Variants in PTGS1 observed in about 807,000 individuals in gnomAD.
PTGS1 encodes prostaglandin G/H synthase 1.
In PTGS1, 40 loss-of-function variants were observed where a neutral mutation model predicts 63.0. That is an observed-to-expected ratio of 0.63 (90% CI 0.49 to 0.83). The LOEUF (loss-of-function observed/expected upper bound fraction) is 0.83, where lower values mean the gene tolerates loss of function less well. Ranked by LOEUF, PTGS1 falls within the 40% of genes least tolerant of loss-of-function variation. PTGS1 has a pLI of 0.00. For missense variants in PTGS1, 709 were observed against 786.5 expected (o/e 0.90, Z 1.18); for synonymous variants, 298 against 301.9 (o/e 0.99, Z 0.13).
chr9:122,377,944 T>C lies in PTGS1; in HGVS notation c.140T>C (p.Val47Ala), dbSNP rs1837272688. The change falls in exon 3 of 11, where the codon GTC becomes GCC. Residue 47 changes from valine to alanine, a missense_variant. Val to Ala is a moderately conservative substitution (Grantham distance 64). Coordinates refer to ENST00000362012, the MANE Select transcript of PTGS1 (RefSeq NM_000962.4). ...CCATGCCAGCACCAGGGCATCTGTG[T>C]CCGCTTCGGCCTTGACCGCTACCAG... The part of the protein sequence containing the change: ...YYPCQHQGIC[V>A]RFGLDRYQCD... 1 of 1,613,970 alleles carries C rather than the reference T, an allele frequency of 6.2e-7. No homozygotes were observed.
rs200050276 is a variant in PTGS1 at position 122,395,667 on chromosome 9, G to T, written c.*3123G>T. ...GAAGTTTGCCAACCCCAACAATTGT[G>T]TGAATTAATTTCTAAAAATAAAGCT... On this transcript the variant is annotated 3_prime_UTR_variant, in exon 11 of 11. Coordinates refer to ENST00000362012, the MANE Select transcript of PTGS1 (RefSeq NM_000962.4). 8 of 152,186 alleles carry T rather than the reference G, an allele frequency of 5.3e-5. No homozygotes were observed. Among genetic ancestry groups the T allele is most frequent in the Middle Eastern group, 3.4e-3 (1 of 296 alleles). 9.4% of individuals were successfully genotyped at this position (152,186 alleles called of 1,614,324 possible).
In PTGS1 at chr9:122,378,546, G is replaced by A. The variant is rs1006330625; in HGVS notation, c.325G>A (p.Glu109Lys). 6.2e-7 allele frequency: 1 copy of A among 1,614,216 alleles called. No homozygotes were observed. The highest frequency in any genetic ancestry group is 1.1e-5 in the South Asian group (1 of 91,088). ...GTTTGTCAATGCCACCTTCATCCGA[G>A]AGATGCTCATGCGCCTGGTACTCAC... is the stretch of plus-strand genomic sequence containing the variant. ...WEFVNATFIR[E>K]MLMRLVLTVR... is the part of the protein sequence containing the mutation. Residue 109 changes from glutamate to lysine, a missense_variant, in exon 4 of 11, where the codon GAG (glutamate) becomes AAG (lysine). Transcript: ENST00000362012.
chr9:122,379,954 T>C (rs1014588792), intron 5 of PTGS1, among the ~76,000 whole-genome samples: 3 of 152,200 alleles, frequency 2.0e-5, no homozygotes, highest in Non-Finnish European at 4.4e-5. Flanking sequence ...TATTCCTTTC[T>C]GTGAGGGCAA....
At chr9:122,373,816 G>C (rs1487130285) in intron 2 of PTGS1, among the ~76,000 whole-genome samples, 1 of 152,138 alleles carries the variant, frequency 6.6e-6, no homozygotes, top group African/African-American at 2.4e-5. Context: ...GCTTAGGTGT[G>C]GGGACTGGGG....
chr9:122,386,170 G>A (rs527516554), intron 8 of PTGS1, among the ~76,000 whole-genome samples: 1 of 151,912 alleles, frequency 6.6e-6, no homozygotes, highest in South Asian at 2.1e-4. Flanking sequence ...TGGGTGTGGT[G>A]GTACACCTGT....
chr9:122,371,068 A>AC lies in PTGS1; in HGVS notation c.-13dup. On this transcript the variant is annotated 5_prime_UTR_variant, in exon 1 of 11. Coordinates refer to ENST00000362012, the MANE Select transcript of PTGS1 (RefSeq NM_000962.4). ...CAGGAGCCTGCACTCTGCGTCCCGC[A>AC]CCCCAGCAGCCGCGCCATGAGCCGT... is the stretch of plus-strand genomic sequence containing the variant. 6.3e-7 allele frequency: 1 copy of AC among 1,593,668 alleles called. No homozygotes were observed. The highest frequency in any genetic ancestry group is 1.1e-5 in the South Asian group (1 of 90,250).
intron 2 of PTGS1, among the ~76,000 whole-genome samples, chr9:122,374,102 T>G (rs1470256991): frequency 1.3e-5 from 2 of 152,050 alleles, no homozygotes; most frequent in Non-Finnish European, 2.9e-5. Context: ...AACCAGGCAG[T>G]TCTGGACAGT....
rs752563761 is a variant in PTGS1 at position 122,371,102 on chromosome 9, C to T, written c.7+11C>T. On this transcript the variant is annotated intron_variant, in intron 1 of 10. Coordinates refer to ENST00000362012, the MANE Select transcript of PTGS1 (RefSeq NM_000962.4). ...GCCGCGCCATGAGCCGTGAGTGCGA[C>T]CCCGGTGCCCGGTGGGGAATTTTCT... 1.2e-6 allele frequency: 2 copies of T among 1,603,158 alleles called. No individual in the cohort carries two copies. Among genetic ancestry groups the T allele is most frequent in the Non-Finnish European group, 1.7e-6 (2 of 1,179,568 alleles).
chr9:122,371,965 G>GTGGCTCCGGGT, intron 2 of PTGS1: 1 of 690,920 alleles, frequency 1.4e-6, no homozygotes, highest in Non-Finnish European at 2.5e-6. Flanking sequence ...TGGACCCGGA[G>GTGGCTCCGGGT]CCACTCTGGG....
intron 2 of PTGS1, among the ~76,000 whole-genome samples, chr9:122,376,060 T>C (rs1837132450): frequency 6.6e-6 from 1 of 151,844 alleles, no homozygotes; most frequent in Admixed American, 6.6e-5. Context: ...GGGTGACAAG[T>C]CCTTTCTTGG....
chr9:122,383,031 G>A (rs565649726), intron 7 of PTGS1, among the ~76,000 whole-genome samples: 8 of 152,210 alleles, frequency 5.3e-5, no homozygotes, highest in South Asian at 2.1e-4. Flanking sequence ...AAATGGGAGC[G>A]TTTGCTGAGC....
At chr9:122,390,425 C>T (rs1838148059) in intron 10 of PTGS1, 80 bp downstream of exon 10, 7 of 1,465,566 alleles carry the variant, frequency 4.8e-6, no homozygotes, top group Admixed American at 2.0e-5. Flanking sequence ...GGAAATAGAA[C>T]GGGACAATAC....
chr9:122,383,449 G>A (rs952581014), intron 7 of PTGS1, 60 bp from the exon 8 acceptor site: 53 of 1,545,946 alleles, frequency 3.4e-5, no homozygotes, highest in African/African-American at 1.8e-4. Flanking sequence ...GGAGGGAGTT[G>A]GTTGTGGGCA....
rs1017741967 is a variant in PTGS1, at chr9:122,371,244, G to T, written c.66G>T (p.Leu22=). ...FLLLLPPLPV[L]LADPGAPTPV... is the part of the protein sequence containing the mutation. Reference sequence around the variant, plus strand: ...TCCTGCTCCCGCCGCTCCCCGTCCTGCTCGCGGACCCAGGGGCGCCCACGC... The same window carrying T: ...TCCTGCTCCCGCCGCTCCCCGTCCTTCTCGCGGACCCAGGGGCGCCCACGC... Residue 22 remains leucine (L), a synonymous_variant, in exon 2 of 11, where the codon CTG becomes CTT. Transcript: ENST00000362012. The T allele has an allele frequency of 3.1e-6, 5 of 1,607,020 alleles. No homozygotes were observed. In the African/African-American group the frequency reaches 4.0e-5, roughly 13 times the overall value.
Position 122,371,201 on chromosome 9 carries a change from G to A in PTGS1, c.23G>A (p.Trp8Ter), listed in dbSNP as rs142176470. The change falls in exon 2 of 11, where the codon TGG (tryptophan) becomes TAG (stop). Residue 8 changes from tryptophan (W) to a stop codon, truncating the protein, a stop_gained. Coordinates refer to ENST00000362012, the MANE Select transcript of PTGS1 (RefSeq NM_000962.4). LOFTEE classifies it high-confidence loss of function. MSRSLLL[W>*]FLLFLLLLPP... is the part of the protein sequence containing the mutation. The stretch of plus-strand genomic sequence containing the variant: ...TCCTCTGCAGGGAGTCTCTTGCTCT[G>A]GTTCTTGCTGTTCCTGCTCCTGCTC... 2.5e-6 allele frequency: 4 copies of A among 1,608,458 alleles called. No homozygotes were observed. The highest frequency in any genetic ancestry group is 2.7e-5 in the African/African-American group (2 of 74,934).
chr9:122,378,362 C>T, intron 3 of PTGS1, 71 bp from the exon 4 acceptor site: 1 of 1,600,198 alleles, frequency 6.2e-7, no homozygotes, highest in Non-Finnish European at 8.5e-7. Context: ...CCTCAGTGCC[C>T]CATCTTCCAC....
chr9:122,380,763 C>T (rs911301720), intron 5 of PTGS1, among the ~76,000 whole-genome samples: 2 of 152,212 alleles, frequency 1.3e-5, no homozygotes, highest in Non-Finnish European at 2.9e-5. Flanking sequence ...TGGTTCTCTG[C>T]CATGCTTACA....
chr9:122,378,826 A>G lies in PTGS1; in HGVS notation c.404A>G (p.Tyr135Cys). ...CCCACCTACAACTCAGCACATGACT[A>G]CATCAGCTGGGAGTCTTTCTCCAAC... ...SPPTYNSAHDYISWESFSNVS... is the reference protein window; with the variant it reads ...SPPTYNSAHDCISWESFSNVS... Residue 135 changes from tyrosine (Y) to cysteine (C), a missense_variant, in exon 5 of 11, where the codon TAC (tyrosine) becomes TGC (cysteine). By Grantham distance (194) the Tyr-to-Cys change is radical (BLOSUM62 -2). Coordinates refer to ENST00000362012, the MANE Select transcript of PTGS1 (RefSeq NM_000962.4). 6.8e-6 allele frequency: 11 copies of G among 1,614,216 alleles called. No homozygotes were observed. The highest frequency in any genetic ancestry group is 8.5e-6 in the Non-Finnish European group (10 of 1,180,028).
intron 2 of PTGS1, among the ~76,000 whole-genome samples, chr9:122,375,859 C>A (rs752138486): frequency 5.9e-5 from 9 of 152,126 alleles, no homozygotes; most frequent in Non-Finnish European, 1.2e-4. Context: ...GAGATCCCTG[C>A]TGTGGCAGGG....
Sources: gnomAD v4.1 joint callset for allele counts (sites outside exome capture counted in the v4.1 genomes callset) on GRCh38, gnomAD v4.1.1 for gene constraint, MANE v1.5 for transcripts, NCBI Gene and HGNC (gene_info 2026-07-23, HGNC 2026-07-21) for gene names.